VPS13B: variants seen among roughly 807,000 people sequenced by gnomAD.
VPS13B encodes intermembrane lipid transfer protein VPS13B.
Under a neutral mutation model 426.4 loss-of-function variants are expected in VPS13B, and 285 were observed. The ratio of observed to expected loss-of-function variants is 0.67; its 90% CI spans 0.61 to 0.74. The LOEUF (loss-of-function observed/expected upper bound fraction) is 0.74, where lower values mean the gene tolerates loss of function less well. Among genes scored for constraint, VPS13B ranks in the 30% least tolerant of loss-of-function variants. VPS13B has a pLI of 0.00. For missense variants in VPS13B, 4,537 were observed against 4,782.6 expected, an observed-to-expected ratio of 0.95 and a Z score of 1.51; for synonymous variants, 1,676 against 1,676.4, an observed-to-expected ratio of 1.00 and a Z score of 0.01.
intron 17 of VPS13B, among the ~76,000 whole-genome samples, chr8:99,266,358 G>A (rs1201432227): frequency 4.6e-5 from 7 of 151,968 alleles, no homozygotes; most frequent in Admixed American, 2.6e-4. Context: ...ATTACAGTGA[G>A]CTATGATTGC....
At chr8:99,572,724 C>T in intron 31 of VPS13B, among the ~76,000 whole-genome samples, 1 of 152,124 alleles carries the variant, frequency 6.6e-6, no homozygotes, top group East Asian at 1.9e-4. Flanking sequence ...TGGGTTGGTT[C>T]CAAGTCTTTG....
chr8:99,474,336 G>T (rs1318918117), intron 24 of VPS13B, among the ~76,000 whole-genome samples: 1 of 151,654 alleles, frequency 6.6e-6, no homozygotes, highest in Non-Finnish European at 1.5e-5. Flanking sequence ...TCACAGGTGT[G>T]TGCCACCACA....
intron 31 of VPS13B, among the ~76,000 whole-genome samples, chr8:99,557,271 T>C (rs1824634416): frequency 6.6e-6 from 1 of 152,038 alleles, no homozygotes; most frequent in African/African-American, 2.4e-5. Flanking sequence ...CAATATGTAG[T>C]CTTTTATCCC....
intron 20 of VPS13B, among the ~76,000 whole-genome samples, chr8:99,386,620 C>A (rs1814140605): frequency 6.6e-6 from 1 of 152,118 alleles, no homozygotes; most frequent in African/African-American, 2.4e-5. Context: ...TGTATGCAAT[C>A]CATTGTTGAC....
rs200565849 is a variant in VPS13B at position 99,821,498 on chromosome 8, A to G, written c.9183+16A>G. The G allele has an allele frequency of 2.8e-5, 45 of 1,613,528 alleles. No homozygotes were observed. The highest frequency in any genetic ancestry group is 2.3e-4 in the Admixed American group (14 of 59,996). ...ACATCAGAAGGTAAGATCAAAGTCT[A>G]TGTGGCTGGGAGGAAATAGCATGCC... On this transcript the variant is annotated intron_variant, in intron 50 of 61. Transcript: ENST00000357162.
chr8:99,844,828 C>T lies in VPS13B; in HGVS notation c.9943-3948C>T, dbSNP rs984095714. Among the ~76,000 whole-genome samples, 4 of 152,182 alleles carry T rather than the reference C, an allele frequency of 2.6e-5. 1 individual carries two copies. Among genetic ancestry groups the T allele is most frequent in the Admixed American group, 2.6e-4 (4 of 15,286 alleles). ...TTATTTCTAACTTTGCAAGGTTCTA[C>T]ATTTCTGGAATCTCTCTATTATCTT... is the stretch of plus-strand genomic sequence containing the variant. On this transcript the variant is annotated intron_variant, in intron 54 of 61. Coordinates refer to ENST00000357162, the MANE Select transcript of VPS13B (RefSeq NM_152564.5).
chr8:99,220,780 C>CTTTTTTTTT (rs5893485), intron 17 of VPS13B, among the ~76,000 whole-genome samples: 2 of 112,958 alleles, frequency 1.8e-5, no homozygotes, highest in Admixed American at 1.8e-4. Flanking sequence ...TAGTTTTATT[C>CTTTTTTTTT]TTTTTTTTTT....
chr8:99,157,222 T>C (rs1271233534), intron 15 of VPS13B, among the ~76,000 whole-genome samples: 1 of 151,964 alleles, frequency 6.6e-6, no homozygotes, highest in East Asian at 1.9e-4. Flanking sequence ...CATTTTATCA[T>C]GCATTACTTT....
At chr8:99,334,260 T>C (rs1371432339) in intron 19 of VPS13B, among the ~76,000 whole-genome samples, 1 of 152,074 alleles carries the variant, frequency 6.6e-6, no homozygotes, top group African/African-American at 2.4e-5. Context: ...TTTTATCTGT[T>C]TTACTAAGCT....
At chr8:99,061,779 CT>C (rs1844203571) in intron 3 of VPS13B, among the ~76,000 whole-genome samples, 1 of 152,198 alleles carries the variant, frequency 6.6e-6, no homozygotes, top group African/African-American at 2.4e-5. Flanking sequence ...GTATGCTCCT[CT>C]TCATGTCCTG....
chr8:99,279,148 A>G (rs961448994), intron 19 of VPS13B, among the ~76,000 whole-genome samples: 4 of 152,124 alleles, frequency 2.6e-5, no homozygotes, highest in Admixed American at 1.3e-4. Flanking sequence ...CTGAGGTGGA[A>G]GCATCACTTG....
At chr8:99,234,551 CG>C (rs1816535699) in intron 17 of VPS13B, 2 of 443,060 alleles carry the variant, frequency 4.5e-6, no homozygotes, top group Non-Finnish European at 8.8e-6. Context: ...GGCTGGGGTT[CG>C]GGGGCCGCGT....
At chr8:99,055,186 G>A (rs1050278606) in intron 3 of VPS13B, among the ~76,000 whole-genome samples, 2 of 151,766 alleles carry the variant, frequency 1.3e-5, no homozygotes, top group African/African-American at 2.4e-5. Context: ...CTATAAACAT[G>A]AGCCAGCATG....
intron 34 of VPS13B, among the ~76,000 whole-genome samples, chr8:99,658,011 G>T (rs1259418829): frequency 6.6e-6 from 1 of 152,078 alleles, no homozygotes; most frequent in African/African-American, 2.4e-5. Context: ...TGTATTTCTT[G>T]TTTTAATTTA....
intron 3 of VPS13B, among the ~76,000 whole-genome samples, chr8:99,082,106 C>T (rs1333442352): frequency 1.3e-5 from 2 of 152,218 alleles, no homozygotes; most frequent in Non-Finnish European, 2.9e-5. Context: ...TGTTTCTCCA[C>T]ATCCTCTCCA....
At chr8:99,228,545 A>G (rs1816144237) in intron 17 of VPS13B, among the ~76,000 whole-genome samples, 1 of 152,212 alleles carries the variant, frequency 6.6e-6, no homozygotes, top group Non-Finnish European at 1.5e-5. Context: ...TATTTTTAGA[A>G]CGTGAATGTT....
chr8:99,400,839 T>A (rs1298534386), intron 21 of VPS13B, among the ~76,000 whole-genome samples: 2 of 152,006 alleles, frequency 1.3e-5, no homozygotes, highest in African/African-American at 2.4e-5. Context: ...CGTGGCTACT[T>A]TTTGTGTTTT....
chr8:99,565,642 C>T (rs541750984), intron 31 of VPS13B, among the ~76,000 whole-genome samples: 4 of 152,044 alleles, frequency 2.6e-5, no homozygotes, highest in Non-Finnish European at 5.9e-5. Flanking sequence ...ATGTTCACAC[C>T]GCACAGGACC....
intron 33 of VPS13B, among the ~76,000 whole-genome samples, chr8:99,620,570 G>T (rs1173684713): frequency 1.3e-5 from 2 of 151,988 alleles, no homozygotes; most frequent in African/African-American, 4.8e-5. Flanking sequence ...TGTGCCAAAG[G>T]CTCTGTGGTT....
Sources: allele counts gnomAD v4.1 joint callset (sites outside exome capture counted in the v4.1 genomes callset), GRCh38; gene constraint gnomAD v4.1.1; transcripts MANE v1.5; gene names NCBI Gene and HGNC (gene_info 2026-07-23, HGNC 2026-07-21).